AKR1E2: variants seen among roughly 807,000 people sequenced by gnomAD.
AKR1E2 encodes the protein 1,5-anhydro-D-fructose reductase.
AKR1E2 carries 43 observed loss-of-function variants against 41.9 expected under a neutral mutation model. The ratio of observed to expected loss-of-function variants is 1.03; its 90% confidence interval spans 0.80 to 1.32. The LOEUF (loss-of-function observed/expected upper bound fraction) is 1.32, where lower values mean the gene tolerates loss of function less well. Among genes scored for constraint, AKR1E2 ranks in the 40% most tolerant of loss-of-function variants. The probability of loss-of-function intolerance (pLI) is 0.00; values close to 1 mark genes in which losing one functional copy is unlikely to be tolerated. For missense variants in AKR1E2, 423 were observed against 396.5 expected, an observed-to-expected ratio of 1.07 and a Z score of -0.57; for synonymous variants, 121 against 138.9, an observed-to-expected ratio of 0.87 and a Z score of 0.91.
chr10:4,845,466 T>C (rs1834262347), intron 8 of AKR1E2, among the ~76,000 whole-genome samples: 2 of 25,854 alleles, frequency 7.7e-5, no homozygotes, highest in African/African-American at 1.2e-4. Context: ...GCTGCCAGCA[T>C]GCTGTCACCC....
rs144332026 is a variant in AKR1E2 at position 4,842,095 on chromosome 10, C to A, written c.753+238C>A. The stretch of plus-strand genomic sequence containing the variant: ...CTCAGAGGAGGAGTTTCCAGGCCTT[C>A]TCCCTCTGCCCCACCAACTGCATGC... On this transcript the variant is annotated intron_variant, in intron 7 of 9. Coordinates refer to ENST00000298375, the MANE Select transcript of AKR1E2 (RefSeq NM_001040177.3). Among the ~76,000 whole-genome samples the A allele has an allele frequency of 7.9e-4, 121 of 152,302 alleles. 2 individuals carry two copies. In the East Asian group the frequency reaches 0.021, roughly 26 times the overall value.
At chr10:4,859,230 A>G in the AKR1E2 span, among the ~76,000 whole-genome samples, 2 of 152,164 alleles carry the variant, frequency 1.3e-5, no homozygotes, top group African/African-American at 4.8e-5. Context: ...TAGTCTATGT[A>G]TTGGGTTTAG....
chr10:4,830,130 G>A (rs1056728994), intron 1 of AKR1E2, among the ~76,000 whole-genome samples: 95 of 152,014 alleles, frequency 6.2e-4, no homozygotes, highest in African/African-American at 2.2e-3. Flanking sequence ...CTGCAAACCC[G>A]CCCACCCCCA....
the AKR1E2 span, among the ~76,000 whole-genome samples, chr10:4,867,845 GCGTCCTCAGGGTC>G: frequency 6.6e-6 from 1 of 152,184 alleles, no homozygotes; most frequent in Admixed American, 6.5e-5. Context: ...GCGAGAGGCA[GCGTCCTCAGGGTC>G]CGTCTTTCTT....
At chr10:4,842,983 G>A (rs1834010218) in intron 8 of AKR1E2, among the ~76,000 whole-genome samples, 2 of 152,248 alleles carry the variant, frequency 1.3e-5, no homozygotes, top group Non-Finnish European at 2.9e-5. Flanking sequence ...CTCCTGTCTA[G>A]TGACTTCTGA....
At chr10:4,835,116 G>C (rs568697234) in intron 3 of AKR1E2, among the ~76,000 whole-genome samples, 1 of 152,214 alleles carries the variant, frequency 6.6e-6, no homozygotes, top group East Asian at 1.9e-4. Flanking sequence ...AACATGCTAC[G>C]TGGGAGTACA....
At chr10:4,834,871 G>A (rs559088523) in intron 3 of AKR1E2, among the ~76,000 whole-genome samples, 1 of 152,360 alleles carries the variant, frequency 6.6e-6, no homozygotes, top group South Asian at 2.1e-4. Flanking sequence ...GGCCTTGTGT[G>A]ATGCTGGACA....
chr10:4,872,533 T>C, the AKR1E2 span, among the ~76,000 whole-genome samples: 3 of 152,166 alleles, frequency 2.0e-5, no homozygotes, highest in African/African-American at 7.2e-5. Flanking sequence ...ACATAGAAAA[T>C]GCCAAGTCAT....
the AKR1E2 span, among the ~76,000 whole-genome samples, chr10:4,871,523 A>G: frequency 6.6e-6 from 1 of 152,194 alleles, no homozygotes; most frequent in Non-Finnish European, 1.5e-5. Context: ...AGATTTTGCA[A>G]ATTTGAAGGT....
chr10:4,847,540 C>A lies in AKR1E2; in HGVS notation c.*10C>A. The A allele has an allele frequency of 3.7e-6, 6 of 1,613,428 alleles. 1 individual carries two copies. The Middle Eastern group carries it at 9.9e-4, about 266-fold the overall frequency. On this transcript the variant is annotated 3_prime_UTR_variant, in exon 10 of 10. Transcript: ENST00000298375. ...CCACATAGAATACTGAGGACGCTTC[C>A]CCTTCCTTGTTTCTGCTCAGCCCAG...
chr10:4,870,703 A>AAC, the AKR1E2 span, among the ~76,000 whole-genome samples: 1 of 150,920 alleles, frequency 6.6e-6, no homozygotes, highest in East Asian at 1.9e-4. Flanking sequence ...TTGCTTTTTC[A>AAC]CAAGCTTTTC....
the AKR1E2 span, chr10:4,871,881 C>T: frequency 6.6e-6 from 1 of 152,258 alleles, no homozygotes; most frequent in Admixed American, 6.5e-5. Flanking sequence ...TCTGGAACAA[C>T]CACAGACTCT....
chr10:4,847,409 G>C, intron 9 of AKR1E2, 79 bp from the exon 10 acceptor site: 3 of 1,567,236 alleles, frequency 1.9e-6, no homozygotes, highest in Non-Finnish European at 2.6e-6. Context: ...GAGTTTAAAA[G>C]TATATACCAT....
intron 7 of AKR1E2, 121 bp from the exon 8 acceptor site, chr10:4,842,300 C>T (rs1833954311): frequency 1.2e-6 from 1 of 809,178 alleles, no homozygotes; most frequent in Non-Finnish European, 2.0e-6. Context: ...ATGCCAGTAA[C>T]AATAGCTGCT....
chr10:4,845,795 G>A (rs962419410), intron 8 of AKR1E2: 2 of 471,074 alleles, frequency 4.2e-6, no homozygotes, highest in African/African-American at 4.0e-5. Context: ...ACACACTGAG[G>A]GGAAATGCCA....
intron 1 of AKR1E2, among the ~76,000 whole-genome samples, chr10:4,827,700 A>G (rs1448688750): frequency 6.6e-6 from 1 of 152,218 alleles, no homozygotes; most frequent in African/African-American, 2.4e-5. Context: ...AGGCCTGCTC[A>G]TGAAAATATT....
At chr10:4,832,450 AG>A (rs1833043734) in intron 2 of AKR1E2, among the ~76,000 whole-genome samples, 1 of 152,198 alleles carries the variant, frequency 6.6e-6, no homozygotes. Flanking sequence ...TAGTCCAGGT[AG>A]GGATGTGAGC....
the AKR1E2 span, among the ~76,000 whole-genome samples, chr10:4,853,850 A>G: frequency 1.2e-3 from 180 of 152,308 alleles, 2 homozygotes; most frequent in South Asian, 1.9e-3. Context: ...ACAGGTTGCA[A>G]TAAATCCCCC....
chr10:4,831,179 A>C (rs1191658742), intron 2 of AKR1E2, among the ~76,000 whole-genome samples: 1 of 152,218 alleles, frequency 6.6e-6, no homozygotes, highest in African/African-American at 2.4e-5. Context: ...ATTCAGAATC[A>C]CTGGGGTGAT....
Sources: gnomAD v4.1 joint callset for allele counts (sites outside exome capture counted in the v4.1 genomes callset) on GRCh38, gnomAD v4.1.1 for gene constraint, MANE v1.5 for transcripts, NCBI Gene and HGNC (gene_info 2026-07-23, HGNC 2026-07-21) for gene names.